The following COL4A5 variants were observed in gnomAD, a reference collection of about 807,000 sequenced individuals.
COL4A5 encodes the protein collagen type IV alpha 5 chain, also known as collagen alpha-5(IV) chain.
A neutral mutation model predicts 130.2 loss-of-function variants in COL4A5; 26 were observed. The observed-to-expected ratio is 0.20, with a 90% CI of 0.15 to 0.28. The LOEUF (loss-of-function observed/expected upper bound fraction) is 0.28. COL4A5 is among the 10% of genes least tolerant of loss of function. The pLI is 1.00. For missense variants in COL4A5, 1,131 were observed against 1,344.3 expected (o/e 0.84, Z 2.48); for synonymous variants, 496 against 439.6 (o/e 1.13, Z -1.60).
intron 1 of COL4A5, among the ~76,000 whole-genome samples, chrX:108,445,289 C>T (rs908494158): frequency 4.5e-5 from 5 of 111,638 alleles, no homozygotes; most frequent in African/African-American, 1.6e-4. Flanking sequence ...CCCGTGAGCA[C>T]TGCATACACA....
In COL4A5 at chrX:108,566,262, A is replaced by G. The variant is rs1165392936; in HGVS notation, c.276+2336A>G. The stretch of plus-strand genomic sequence containing the variant: ...ACTTTTTTTTTTTTTCATTATATGC[A>G]CATGGAATTTGTGTGTTTCAATCAA... On this transcript the variant is annotated intron_variant, in intron 4 of 52. Transcript: ENST00000328300. Among the ~76,000 whole-genome samples, 3 of 109,901 alleles carry G rather than the reference A, an allele frequency of 2.7e-5. 1 individual carries two copies. The South Asian group carries it at 1.2e-3, about 43-fold the overall frequency.
At chrX:108,627,447 G>A (rs1036517725) in intron 36 of COL4A5, 1 of 742,394 alleles carries the variant, frequency 1.3e-6, no homozygotes, top group African/African-American at 2.3e-5. Flanking sequence ...ATCATGGTAT[G>A]CATGCTACTC....
At chrX:108,646,720 C>G (rs1409518150) in intron 36 of COL4A5, among the ~76,000 whole-genome samples, 1 of 111,931 alleles carries the variant, frequency 8.9e-6, no homozygotes, top group African/African-American at 3.3e-5. Flanking sequence ...TTACGTCTAA[C>G]ATTTAAGTCT....
intron 36 of COL4A5, among the ~76,000 whole-genome samples, chrX:108,649,408 C>G (rs919923807): frequency 9.0e-6 from 1 of 111,499 alleles, no homozygotes; most frequent in Non-Finnish European, 1.9e-5. Flanking sequence ...AAAGACAATT[C>G]TAAACTTCAT....
chrX:108,687,554 C>T lies in COL4A5; in HGVS notation c.4388C>T (p.Ser1463Phe). The T allele has an allele frequency of 2.5e-6, 3 of 1,211,811 alleles. No individual in the cohort carries two copies. The highest frequency in any genetic ancestry group is 3.4e-6 in the Non-Finnish European group (3 of 895,448). The change falls in exon 49 of 53, where the codon TCT becomes TTT. Residue 1463 changes from serine to phenylalanine, a missense_variant. Physicochemically the swap from Ser to Phe is radical, Grantham distance 155. Coordinates refer to ENST00000328300, the MANE Select transcript of COL4A5 (RefSeq NM_033380.3). ...QGPPGPPGTS[S>F]VAHGFLITRH... ...CCCCCAGGTCCCCCTGGAACCTCCT[C>T]TGTTGCACATGGATTTCTTATTACA...
At chrX:108,603,326 T>C (rs945054606) in intron 28 of COL4A5, among the ~76,000 whole-genome samples, 11 of 105,804 alleles carry the variant, frequency 1.0e-4, no homozygotes, top group African/African-American at 1.7e-4. Context: ...GATTAGAGAA[T>C]ACAGGCATAC....
intron 1 of COL4A5, among the ~76,000 whole-genome samples, chrX:108,484,292 A>G (rs776666239): frequency 1.8e-5 from 2 of 112,091 alleles, no homozygotes; most frequent in South Asian, 7.3e-4. Context: ...ATGGTCACAT[A>G]TCTCCATTTT....
At chrX:108,465,114 T>A (rs1171837857) in intron 1 of COL4A5, among the ~76,000 whole-genome samples, 1 of 112,094 alleles carries the variant, frequency 8.9e-6, no homozygotes, top group African/African-American at 3.2e-5. Flanking sequence ...TGAATATTTG[T>A]GTACAAGTCA....
intron 4 of COL4A5, among the ~76,000 whole-genome samples, chrX:108,564,480 G>A (rs2065941492): frequency 8.9e-6 from 1 of 112,098 alleles, no homozygotes; most frequent in Non-Finnish European, 1.9e-5. Flanking sequence ...GAAAAATAAG[G>A]ATGCATCTCA....
intron 27 of COL4A5, among the ~76,000 whole-genome samples, chrX:108,602,519 CATTT>C (rs778701129): frequency 4.0e-4 from 45 of 112,452 alleles, no homozygotes; most frequent in Non-Finnish European, 6.8e-4. Flanking sequence ...TATCTTTACT[CATTT>C]ATACAAAATG....
chrX:108,465,989 A>T (rs1490635263), intron 1 of COL4A5, among the ~76,000 whole-genome samples: 1 of 111,667 alleles, frequency 9.0e-6, no homozygotes, highest in African/African-American at 3.3e-5. Flanking sequence ...TATTCTGGAT[A>T]TTTCATATAA....
intron 1 of COL4A5, among the ~76,000 whole-genome samples, chrX:108,518,640 G>A (rs776583923): frequency 2.7e-5 from 3 of 110,872 alleles, no homozygotes; most frequent in South Asian, 7.6e-4. Flanking sequence ...AACTAAGTAA[G>A]CATATTTTAT....
intron 6 of COL4A5, among the ~76,000 whole-genome samples, chrX:108,569,772 C>T (rs761447248): frequency 9.0e-6 from 1 of 110,562 alleles, no homozygotes; most frequent in South Asian, 3.8e-4. Context: ...CTCTGCCTCC[C>T]GGGTTCAAGT....
At chrX:108,664,883 T>C (rs1313065280) in intron 37 of COL4A5, among the ~76,000 whole-genome samples, 1 of 112,086 alleles carries the variant, frequency 8.9e-6, no homozygotes, top group Non-Finnish European at 1.9e-5. Context: ...CCCACCAGAA[T>C]GTCTGTTATT....
At chrX:108,541,322 A>G (rs2065536182) in intron 2 of COL4A5, among the ~76,000 whole-genome samples, 2 of 112,296 alleles carry the variant, frequency 1.8e-5, no homozygotes, top group Non-Finnish European at 3.8e-5. Flanking sequence ...AGTGATGTTT[A>G]TCAGATTAAC....
At chrX:108,542,472 G>A (rs745919587) in intron 2 of COL4A5, among the ~76,000 whole-genome samples, 1 of 111,182 alleles carries the variant, frequency 9.0e-6, no homozygotes, top group African/African-American at 3.3e-5. Context: ...ATTCCATGGT[G>A]CGTATGTGCC....
chrX:108,571,536 G>T, intron 7 of COL4A5, 70 bp downstream of exon 7: 1 of 762,139 alleles, frequency 1.3e-6, no homozygotes, highest in Non-Finnish European at 2.0e-6. Context: ...TAGTGAGAGA[G>T]CCCAATGCAT....
intron 1 of COL4A5, among the ~76,000 whole-genome samples, chrX:108,490,709 G>A (rs922977589): frequency 2.6e-4 from 29 of 110,976 alleles, no homozygotes; most frequent in African/African-American, 9.2e-4. Context: ...AGGTAAACAC[G>A]TGTCATGGGG....
chrX:108,473,614 TATATATATATATATA>T (rs1463802244), intron 1 of COL4A5, among the ~76,000 whole-genome samples: 1 of 36,575 alleles, frequency 2.7e-5, no homozygotes, highest in African/African-American at 1.1e-4. Flanking sequence ...TATATATATG[TATATATATATATATA>T]TATATTTTTT....
Sources: allele counts gnomAD v4.1 joint callset (sites outside exome capture counted in the v4.1 genomes callset), GRCh38; gene constraint gnomAD v4.1.1; transcripts MANE v1.5; gene names NCBI Gene and HGNC (gene_info 2026-07-23, HGNC 2026-07-21).